The following ARSG variants were observed in gnomAD, a reference collection of about 807,000 sequenced individuals.
The protein encoded by ARSG is arylsulfatase G.
In ARSG, 37 loss-of-function variants were observed where a neutral mutation model predicts 50.5. That is an observed-to-expected ratio of 0.73 (90% CI 0.56 to 0.96). The LOEUF (loss-of-function observed/expected upper bound fraction) is 0.96. Among genes scored for constraint, ARSG ranks in the 50% least tolerant of loss-of-function variants. The probability of loss-of-function intolerance (pLI) is 0.00; values close to 1 mark genes in which losing one functional copy is unlikely to be tolerated. For synonymous variants in ARSG, 225 were observed against 254.6 expected, an observed-to-expected ratio of 0.88 and a Z score of 1.11; for missense variants, 629 against 675.3, an observed-to-expected ratio of 0.93 and a Z score of 0.76.
downstream of ARSG, among the ~76,000 whole-genome samples, chr17:68,423,047 C>T (rs550174960): frequency 7.9e-5 from 12 of 152,204 alleles, no homozygotes; most frequent in South Asian, 4.1e-4. The surrounding 1 kb of genome is among the most constrained non-coding windows in gnomAD (Gnocchi z 4.4). Flanking sequence ...CTTAAGGCAG[C>T]GGCTCACAGA....
chr17:68,385,106 G>C lies in ARSG; in HGVS notation c.1025G>C (p.Arg342Pro). 1.2e-6 allele frequency: 2 copies of C among 1,614,036 alleles called. No individual in the cohort carries two copies. Among genetic ancestry groups the C allele is most frequent in the Non-Finnish European group, 1.7e-6 (2 of 1,179,990 alleles). ...CAGACGACCTGGGAAGGAGGGCACC[G>C]GGTCCCAGCACTGGCTTACTGGCCT... ...AKQTTWEGGH[R>P]VPALAYWPGR... The change falls in exon 9 of 12, where the codon CGG (arginine) becomes CCG (proline). Residue 342 changes from arginine to proline, a missense_variant. Transcript: ENST00000621439.
chr17:68,311,575 T>G (rs1429206647), intron 2 of ARSG, among the ~76,000 whole-genome samples: 1 of 152,046 alleles, frequency 6.6e-6, no homozygotes, highest in Non-Finnish European at 1.5e-5. Flanking sequence ...CCAGTGACAT[T>G]TCCTTATAAG....
At chr17:68,352,657 C>A (rs1181892389) in intron 5 of ARSG, among the ~76,000 whole-genome samples, 1 of 151,928 alleles carries the variant, frequency 6.6e-6, no homozygotes, top group Non-Finnish European at 1.5e-5. Context: ...TTACAGGTAC[C>A]CACTACCACA....
chr17:68,308,252 C>T (rs2076685223), intron 2 of ARSG, among the ~76,000 whole-genome samples: 1 of 152,182 alleles, frequency 6.6e-6, no homozygotes, highest in African/African-American at 2.4e-5. Context: ...GTCTCACTGA[C>T]TTCAAGAATG....
At chr17:68,422,359 G>T (rs1280170292), downstream of ARSG, 3 of 155,076 alleles carry the variant, frequency 1.9e-5, no homozygotes, top group African/African-American at 4.9e-5. Flanking sequence ...AACCGGGGAG[G>T]TGGAGGCTGC....
rs1305609250 is a variant in ARSG, at chr17:68,399,948, T to G, written c.1213-1412T>G. 2.0e-5 allele frequency among the ~76,000 whole-genome samples: 3 copies of G among 152,234 alleles called. No homozygotes were observed. The highest frequency in any genetic ancestry group is 7.2e-5 in the African/African-American group (3 of 41,458). On this transcript the variant is annotated intron_variant, in intron 10 of 11. Transcript: ENST00000621439. This position sits in a 1 kb window ranked among gnomAD's most constrained non-coding sequence, Gnocchi z 4.6. ...AGTGAGGGTTTTCAGTTACGACTTC[T>G]TTTCCTGTTTGGAAGGAACCTGCTA...
the ARSG span, among the ~76,000 whole-genome samples, chr17:68,435,099 C>T: frequency 3.3e-5 from 5 of 151,506 alleles, no homozygotes; most frequent in Non-Finnish European, 2.9e-5. Flanking sequence ...CTCAGCTACT[C>T]GGGAGGCTGA....
At chr17:68,371,430 C>T (rs1157386245) in intron 8 of ARSG, among the ~76,000 whole-genome samples, 2 of 151,906 alleles carry the variant, frequency 1.3e-5, no homozygotes, top group Non-Finnish European at 2.9e-5. Flanking sequence ...AAAGTTGGTG[C>T]TCGCCCTGTT....
rs182211574 is a variant in ARSG, at chr17:68,374,050, G to C, written c.982+3526G>C. ...CGGGCACCTGTAGTCCCAGCTACTC[G>C]GGAGGCTGAGGCAGGAGAATGGTGT... On this transcript the variant is annotated intron_variant, in intron 8 of 11. Transcript: ENST00000621439. Among the ~76,000 whole-genome samples the C allele has an allele frequency of 4.3e-3, 652 of 151,788 alleles. 6 individuals carry two copies. The highest frequency in any genetic ancestry group is 0.015 in the African/African-American group (634 of 41,334).
At chr17:68,333,631 A>AATAATAAT (rs535994046) in intron 2 of ARSG, among the ~76,000 whole-genome samples, 31 of 142,722 alleles carry the variant, frequency 2.2e-4, no homozygotes, top group African/African-American at 6.7e-4. Flanking sequence ...TCTGTCTCAA[A>AATAATAAT]AATAATAATA....
intron 1 of ARSG, among the ~76,000 whole-genome samples, chr17:68,298,375 G>A (rs1555759341): frequency 6.6e-6 from 1 of 151,838 alleles, no homozygotes; most frequent in Non-Finnish European, 1.5e-5. Context: ...GGGTGAGGTG[G>A]GTGGATCACT....
rs2080262501 is a variant in ARSG, at chr17:68,378,440, C to T, written c.983-6624C>T. ...AGCTGATGGGATGAGGCAGCGTCTCCTGGAGTCATCTTTTCACCCCGTGCG... is the reference window on the plus strand; with the variant it reads ...AGCTGATGGGATGAGGCAGCGTCTCTTGGAGTCATCTTTTCACCCCGTGCG... On this transcript the variant is annotated intron_variant, in intron 8 of 11. Coordinates refer to ENST00000621439, the MANE Select transcript of ARSG (RefSeq NM_001267727.2). This position sits in a 1 kb window ranked among gnomAD's most constrained non-coding sequence, Gnocchi z 4.4. Among the ~76,000 whole-genome samples the T allele has an allele frequency of 6.6e-6, 1 of 152,222 alleles. No homozygotes were observed.
At chr17:68,401,843 A>G (rs1035544502) in intron 11 of ARSG, among the ~76,000 whole-genome samples, 1 of 152,228 alleles carries the variant, frequency 6.6e-6, no homozygotes, top group Non-Finnish European at 1.5e-5. Flanking sequence ...TTAGAGGACT[A>G]GTTAGCAAAC....
In ARSG at chr17:68,376,276, C is replaced by CGTTTTTTTTTTTTTTT. The variant is rs149045241; in HGVS notation, c.982+5752_982+5753insGTTTTTTTTTTTTTTT. ...CAGGAGTGTGCCACTGCGCCCCCTG[C>CGTTTTTTTTTTTTTTT]ATTTTTTTTTTTTTTTCTGAGATAG... On this transcript the variant is annotated intron_variant, in intron 8 of 11. Coordinates refer to ENST00000621439, the MANE Select transcript of ARSG (RefSeq NM_001267727.2). 3.0e-5 allele frequency among the ~76,000 whole-genome samples: 4 copies of CGTTTTTTTTTTTTTTT among 131,944 alleles called. 2 individuals carry two copies. Among genetic ancestry groups the CGTTTTTTTTTTTTTTT allele is most frequent in the Admixed American group, 1.6e-4 (2 of 12,718 alleles). The allele number at this position is 131,944 out of a possible 152,430, so 86.6% of individuals were successfully genotyped here. A position where few individuals can be genotyped will look rare whatever the true frequency, so the allele number is the denominator to read the frequency against.
chr17:68,362,420 C>T (rs1334907905), intron 6 of ARSG, among the ~76,000 whole-genome samples: 2 of 152,212 alleles, frequency 1.3e-5, no homozygotes, highest in East Asian at 3.9e-4. Flanking sequence ...GAACGTCTCC[C>T]CCAGGGCTAT....
intron 8 of ARSG, among the ~76,000 whole-genome samples, chr17:68,380,344 C>T (rs1019081601): frequency 1.3e-5 from 2 of 151,910 alleles, no homozygotes; most frequent in South Asian, 2.1e-4. Context: ...TGGGCTCAAG[C>T]GATCATCCCA....
chr17:68,405,130 C>CT (rs58178643), intron 11 of ARSG, among the ~76,000 whole-genome samples: 9,414 of 92,916 alleles, frequency 0.1, 1,053 homozygotes, highest in African/African-American at 0.26. Context: ...CAGCTTTGGG[C>CT]TTTTTTTTTT....
chr17:68,334,588 G>C (rs374739185), intron 2 of ARSG, among the ~76,000 whole-genome samples: 5 of 152,208 alleles, frequency 3.3e-5, no homozygotes, highest in Admixed American at 3.3e-4. Context: ...GGCACTCCTT[G>C]GTTGGGCAAT....
At chr17:68,331,231 T>TTC (rs2077744419) in intron 2 of ARSG, among the ~76,000 whole-genome samples, 3 of 18,456 alleles carry the variant, frequency 1.6e-4, no homozygotes, top group African/African-American at 5.1e-4. Flanking sequence ...CTTTCTTTCT[T>TTC]TGTTTCTTTC....
Sources: allele counts gnomAD v4.1 joint callset (sites outside exome capture counted in the v4.1 genomes callset), GRCh38; gene constraint gnomAD v4.1.1; non-coding constraint Gnocchi (gnomAD v3.1); transcripts MANE v1.5; gene names NCBI Gene and HGNC (gene_info 2026-07-23, HGNC 2026-07-21).